The following ARHGEF3 variants were observed in gnomAD, a reference collection of about 807,000 sequenced individuals.
The protein encoded by ARHGEF3 is Rho guanine nucleotide exchange factor 3.
ARHGEF3 carries 28 observed loss-of-function variants against 63.2 expected under a neutral mutation model. The ratio of observed to expected loss-of-function variants is 0.44; its 90% CI spans 0.33 to 0.61. The LOEUF (loss-of-function observed/expected upper bound fraction) is 0.61, where lower values mean the gene tolerates loss of function less well. Among genes scored for constraint, ARHGEF3 ranks in the 20% least tolerant of loss-of-function variants. The pLI, the probability that ARHGEF3 is intolerant of heterozygous loss-of-function variation, is 0.03. For missense variants in ARHGEF3, 533 were observed against 659.3 expected (o/e 0.81, Z 2.10); for synonymous variants, 266 against 254.2 (o/e 1.05, Z -0.44).
intron 1 of ARHGEF3, among the ~76,000 whole-genome samples, chr3:57,076,084 GATTA>G (rs1706208393): frequency 6.6e-6 from 1 of 152,132 alleles, no homozygotes; most frequent in Non-Finnish European, 1.5e-5. Context: ...TGGGTCCAAG[GATTA>G]ATTTTCTTTT....
At chr3:56,786,468 G>A (rs2036823209) in intron 1 of ARHGEF3, among the ~76,000 whole-genome samples, 1 of 152,206 alleles carries the variant, frequency 6.6e-6, no homozygotes, top group Non-Finnish European at 1.5e-5. Context: ...GTATGTGCAT[G>A]TGTGCACAAC....
chr3:57,051,530 G>C (rs1407368041), intron 1 of ARHGEF3, among the ~76,000 whole-genome samples: 1 of 152,156 alleles, frequency 6.6e-6, no homozygotes, highest in African/African-American at 2.4e-5. Context: ...TGTAATTACA[G>C]ATAAGGGTTG....
chr3:56,843,311 G>A (rs1247498408), intron 4 of ARHGEF3, among the ~76,000 whole-genome samples: 2 of 152,146 alleles, frequency 1.3e-5, no homozygotes, highest in African/African-American at 4.8e-5. Flanking sequence ...CCAGGCTAGA[G>A]TACAAGGGCA....
Position 56,864,855 on chromosome 3 carries a change from A to G in ARHGEF3, c.192+17437T>C, listed in dbSNP as rs901028606. The stretch of plus-strand genomic sequence containing the variant: ...GCCCCCTCTTCAGTTATTATATTAC[A>G]TATAATAAAATTTCAAAGTTTACTC... On this transcript the variant is annotated intron_variant, in intron 4 of 12. Coordinates refer to the ARHGEF3 transcript ENST00000338458. Among the ~76,000 whole-genome samples, 5 of 152,152 alleles carry G rather than the reference A, an allele frequency of 3.3e-5. No homozygotes were observed. The South Asian group carries it at 1.0e-3, about 32-fold the overall frequency.
intron 1 of ARHGEF3, among the ~76,000 whole-genome samples, chr3:57,055,248 G>C (rs1704870890): frequency 6.9e-6 from 1 of 145,804 alleles, no homozygotes; most frequent in African/African-American, 2.6e-5. Flanking sequence ...GGCAACTTCT[G>C]CCTCCCAGGT....
At chr3:57,031,523 T>C (rs1703735060) in intron 2 of ARHGEF3, among the ~76,000 whole-genome samples, 1 of 152,086 alleles carries the variant, frequency 6.6e-6, no homozygotes, top group African/African-American at 2.4e-5. Context: ...ATTCATGGGT[T>C]TCCACTTAAC....
At chr3:56,967,413 ATTATACATATTAT>A in intron 2 of ARHGEF3, among the ~76,000 whole-genome samples, 1 of 87,834 alleles carries the variant, frequency 1.1e-5, no homozygotes, top group Non-Finnish European at 2.0e-5. Flanking sequence ...TATATTATAT[ATTATACATATTAT>A]ATATTATATA....
chr3:56,914,295 T>A (rs935178973), intron 3 of ARHGEF3, among the ~76,000 whole-genome samples: 1 of 152,088 alleles, frequency 6.6e-6, no homozygotes, highest in African/African-American at 2.4e-5. Context: ...GAAAGCAGGG[T>A]CTTAAGAGAT....
chr3:56,757,884 G>C (rs1412594324), intron 2 of ARHGEF3, among the ~76,000 whole-genome samples: 4 of 151,476 alleles, frequency 2.6e-5, no homozygotes, highest in Non-Finnish European at 5.9e-5. Flanking sequence ...CACCACGCCC[G>C]GCTAATTTTT....
chr3:57,077,841 G>C (rs1334898021), intron 1 of ARHGEF3, among the ~76,000 whole-genome samples: 1 of 152,124 alleles, frequency 6.6e-6, no homozygotes, highest in Non-Finnish European at 1.5e-5. Flanking sequence ...CACATTCTGA[G>C]ATATACTTTG....
At chr3:56,993,921 G>T (rs545563790) in intron 2 of ARHGEF3, among the ~76,000 whole-genome samples, 1 of 150,882 alleles carries the variant, frequency 6.6e-6, no homozygotes, top group Admixed American at 6.6e-5. Flanking sequence ...AAAATTAGCC[G>T]GGCGTGGTGA....
chr3:57,047,376 C>CAAAAAACAAAA (rs1422715256), intron 1 of ARHGEF3, among the ~76,000 whole-genome samples: 1 of 138,018 alleles, frequency 7.2e-6, no homozygotes. Flanking sequence ...CAAAAACAAA[C>CAAAAAACAAAA]AAAAAAAAAA....
At chr3:57,032,897 C>A (rs1187651491) in intron 2 of ARHGEF3, among the ~76,000 whole-genome samples, 4 of 152,088 alleles carry the variant, frequency 2.6e-5, no homozygotes, top group East Asian at 1.9e-4. Flanking sequence ...AAGGGCCAGG[C>A]TCCCCAGATG....
chr3:56,729,735 A>G (rs1238557770), intron 9 of ARHGEF3, 113 bp from the exon 10 acceptor site: 1 of 884,394 alleles, frequency 1.1e-6, no homozygotes, highest in African/African-American at 1.7e-5. Flanking sequence ...TATTGCTGAT[A>G]ACAAAACGTT....
At chr3:56,853,848 G>A (rs1380689890) in intron 4 of ARHGEF3, among the ~76,000 whole-genome samples, 1 of 152,084 alleles carries the variant, frequency 6.6e-6, no homozygotes, top group East Asian at 1.9e-4. Flanking sequence ...GGAAGCCTTC[G>A]GAGGGGTCAC....
At position 56,766,570 on chromosome 3, in the gene ARHGEF3, AAGT is replaced by A. The variant is rs1459735869; in HGVS notation, c.204+7136_204+7138del. 2.2e-4 allele frequency among the ~76,000 whole-genome samples: 33 copies of A among 152,216 alleles called. 1 individual carries two copies. The highest frequency in any genetic ancestry group is 1.8e-4 in the Non-Finnish European group (12 of 68,030). ...AAGTACTAATTTTTGAGCACATCCT[AAGT>A]AATGTGTAGTATTAGGCACTGTGGA... On this transcript the variant is annotated intron_variant, in intron 2 of 9. Transcript: ENST00000296315.
At chr3:56,819,068 T>C (rs929829838) in intron 4 of ARHGEF3, among the ~76,000 whole-genome samples, 2 of 152,194 alleles carry the variant, frequency 1.3e-5, no homozygotes, top group African/African-American at 4.8e-5. Flanking sequence ...ACTTGTATTC[T>C]AAAAACAGGA....
At chr3:56,819,492 C>T (rs1169182029) in intron 4 of ARHGEF3, among the ~76,000 whole-genome samples, 1 of 151,210 alleles carries the variant, frequency 6.6e-6, no homozygotes, top group Admixed American at 6.6e-5. Flanking sequence ...CTTAATTAAC[C>T]ATGTTCTACC....
chr3:56,868,215 G>A lies in ARHGEF3; in HGVS notation c.192+14077C>T, dbSNP rs374470978. ...AGAGCCTAATGCCTAACTGTAAGGAGAGCACAGATGCAAAGCCCACCACAA... is the reference window on the plus strand; with the variant it reads ...AGAGCCTAATGCCTAACTGTAAGGAAAGCACAGATGCAAAGCCCACCACAA... On this transcript the variant is annotated intron_variant, in intron 4 of 12. Coordinates refer to the ARHGEF3 transcript ENST00000338458. Among the ~76,000 whole-genome samples, 90 of 152,254 alleles carry A rather than the reference G, an allele frequency of 5.9e-4. 2 individuals are homozygous for A. The South Asian group carries it at 0.017, about 28-fold the overall frequency.
Sources: gnomAD v4.1 joint callset for allele counts (sites outside exome capture counted in the v4.1 genomes callset) on GRCh38, gnomAD v4.1.1 for gene constraint, MANE v1.5 for transcripts, NCBI Gene and HGNC (gene_info 2026-07-23, HGNC 2026-07-21) for gene names.